The following ADAMTS2 variants were observed in gnomAD, a reference collection of about 807,000 sequenced individuals.
ADAMTS2 encodes ADAM metallopeptidase with thrombospondin type 1 motif 2.
ADAMTS2 carries 50 observed loss-of-function variants against 123.0 expected under a neutral mutation model. The observed-to-expected ratio is 0.41, with a 90% CI of 0.32 to 0.51. The LOEUF (loss-of-function observed/expected upper bound fraction) is 0.51, where lower values mean the gene tolerates loss of function less well. Among genes scored for constraint, ADAMTS2 ranks in the 20% least tolerant of loss-of-function variants. The pLI, the probability that ADAMTS2 is intolerant of heterozygous loss-of-function variation, is 0.35. For synonymous variants in ADAMTS2, 678 were observed against 695.4 expected (o/e 0.98, Z 0.39); for missense variants, 1,494 against 1,705.2 (o/e 0.88, Z 2.18).
At chr5:179,326,616 A>C (rs1399192576) in intron 2 of ADAMTS2, among the ~76,000 whole-genome samples, 1 of 152,094 alleles carries the variant, frequency 6.6e-6, no homozygotes, top group East Asian at 1.9e-4. Flanking sequence ...CATCAGGAAA[A>C]TATGATCTTG....
At chr5:179,193,350 TC>T (rs761295405) in intron 4 of ADAMTS2, among the ~76,000 whole-genome samples, 33 of 152,220 alleles carry the variant, frequency 2.2e-4, no homozygotes, top group Non-Finnish European at 4.4e-4. Flanking sequence ...ATCTTTCCCT[TC>T]CCACACCCTG....
chr5:179,130,024 T>C lies in ADAMTS2; in HGVS notation c.2365A>G (p.Ile789Val). The change falls in exon 16 of 22, where the codon ATT (isoleucine) becomes GTT (valine). Residue 789 changes from isoleucine to valine, a missense_variant. Coordinates refer to ENST00000251582, the MANE Select transcript of ADAMTS2 (RefSeq NM_014244.5). The surrounding 1 kb of genome is among the most constrained non-coding windows in gnomAD (Gnocchi z 4.3). ...NDVDASSKTF[I>V]AMGVEWEYRD... is the part of the protein sequence containing the mutation. ...TACTCCCACTCCACGCCCATGGCAA[T>C]GAAGGTTTTGGAACTGGCATCCACG... 6.2e-7 allele frequency: 1 copy of C among 1,614,092 alleles called. No individual in the cohort carries two copies. Among genetic ancestry groups the C allele is most frequent in the Non-Finnish European group, 8.5e-7 (1 of 1,180,018 alleles).
chr5:179,240,831 C>T (rs1371374960), intron 3 of ADAMTS2, among the ~76,000 whole-genome samples: 1 of 152,198 alleles, frequency 6.6e-6, no homozygotes, highest in African/African-American at 2.4e-5. Context: ...AAACCATAAA[C>T]GTCACCAGAT....
chr5:179,236,871 C>G (rs1183985613), intron 3 of ADAMTS2, among the ~76,000 whole-genome samples: 2 of 152,068 alleles, frequency 1.3e-5, no homozygotes, highest in Non-Finnish European at 2.9e-5. Flanking sequence ...AAACCTAATC[C>G]CCAGAGGGAT....
chr5:179,200,707 A>C (rs3797610), intron 4 of ADAMTS2, among the ~76,000 whole-genome samples: 29,505 of 152,186 alleles, frequency 0.19, 3,572 homozygotes, highest in Non-Finnish European at 0.27. Flanking sequence ...AGGAGGCATC[A>C]AACACATCAC....
At chr5:179,222,300 C>G (rs1765144557) in intron 3 of ADAMTS2, among the ~76,000 whole-genome samples, 1 of 152,206 alleles carries the variant, frequency 6.6e-6, no homozygotes, top group Non-Finnish European at 1.5e-5. Flanking sequence ...ATTTGATCAG[C>G]CCTATTTCGA....
rs553814359 is a variant in ADAMTS2, at chr5:179,334,263, G to A, written c.534+9504C>T. 3.3e-3 allele frequency among the ~76,000 whole-genome samples: 499 copies of A among 152,298 alleles called. 2 individuals carry two copies. Among genetic ancestry groups the A allele is most frequent in the African/African-American group, 0.011 (447 of 41,574 alleles). On this transcript the variant is annotated intron_variant, in intron 2 of 21. Transcript: ENST00000251582. ...CTGCAGGAAGGCTGCCCCTCCCTAC[G>A]AGGGCTTCCCATGGTGCGTAAATGG... is the stretch of plus-strand genomic sequence containing the variant.
At chr5:179,339,980 G>A (rs1357675227) in intron 2 of ADAMTS2, among the ~76,000 whole-genome samples, 1 of 152,250 alleles carries the variant, frequency 6.6e-6, no homozygotes, top group East Asian at 1.9e-4. Context: ...AAGACAGAGT[G>A]GGTGCCTGGC....
At chr5:179,123,811 C>A (rs1182234490) in intron 19 of ADAMTS2, among the ~76,000 whole-genome samples, 1 of 152,208 alleles carries the variant, frequency 6.6e-6, no homozygotes, top group Non-Finnish European at 1.5e-5. Context: ...AGTGTTTTTG[C>A]CTGCCTGAGG....
intron 3 of ADAMTS2, among the ~76,000 whole-genome samples, chr5:179,246,616 A>C (rs550288169): frequency 3.3e-5 from 5 of 152,220 alleles, no homozygotes; most frequent in Non-Finnish European, 7.3e-5. Context: ...AAAAGTTTTC[A>C]CCTCTGGCTG....
At chr5:179,328,693 A>G (rs1179103608) in intron 2 of ADAMTS2, among the ~76,000 whole-genome samples, 1 of 152,240 alleles carries the variant, frequency 6.6e-6, no homozygotes, top group Admixed American at 6.5e-5. Flanking sequence ...ATAATCACCT[A>G]CTGTATTATA....
At position 179,228,210 on chromosome 5, in the gene ADAMTS2, C is replaced by T. The variant is rs1225756207; in HGVS notation, c.689-20495G>A. Among the ~76,000 whole-genome samples, 1 of 152,178 alleles carries T rather than the reference C, an allele frequency of 6.6e-6. No individual in the cohort carries two copies. Among genetic ancestry groups the T allele is most frequent in the Non-Finnish European group, 1.5e-5 (1 of 68,030 alleles). On this transcript the variant is annotated intron_variant, in intron 3 of 21. Coordinates refer to ENST00000251582, the MANE Select transcript of ADAMTS2 (RefSeq NM_014244.5). The surrounding 1 kb of genome is among the most constrained non-coding windows in gnomAD (Gnocchi z 5.2). Reference sequence around the variant, plus strand: ...CCTCCAGGATGAATCAGCTGCAGAGCACCGCAGTGGCGCACACAGATCAGT... The same window carrying T: ...CCTCCAGGATGAATCAGCTGCAGAGTACCGCAGTGGCGCACACAGATCAGT...
rs1001487005 is a variant in ADAMTS2, at chr5:179,345,220, C to T, written c.109G>A (p.Ala37Thr). 8 of 1,121,424 alleles carry T rather than the reference C, an allele frequency of 7.1e-6. No individual in the cohort carries two copies. The highest frequency in any genetic ancestry group is 6.7e-5 in the African/African-American group (4 of 60,034). The allele number at this position is 1,121,424 out of a possible 1,614,324, so 69.5% of individuals were successfully genotyped here. The change falls in exon 1 of 22, where the codon GCC (alanine) becomes ACC (threonine). Residue 37 changes from alanine (A) to threonine (T), a missense_variant. Ala to Thr is a moderately conservative substitution (Grantham distance 58). This residue lies in a region of ADAMTS2 where 237 missense variants were observed against 233.7 expected (regional missense o/e 1.01). Transcript: ENST00000251582. This position sits in a 1 kb window ranked among gnomAD's most constrained non-coding sequence, Gnocchi z 7.5. Reference sequence around the variant, plus strand: ...GGGTCGGCGGCGGCGGCGAGCCTGGCGTTCGCGGGCGGCGGCGGCGGCGGC... The same window carrying T: ...GGGTCGGCGGCGGCGGCGAGCCTGGTGTTCGCGGGCGGCGGCGGCGGCGGC... ...LLPPPPPPANARLAAAADPPG... is the reference protein window; with the variant it reads ...LLPPPPPPANTRLAAAADPPG...
intron 3 of ADAMTS2, among the ~76,000 whole-genome samples, chr5:179,230,572 G>C (rs898998636): frequency 6.6e-6 from 1 of 152,214 alleles, no homozygotes; most frequent in African/African-American, 2.4e-5. Flanking sequence ...TGTCACCTTG[G>C]GTCTCACTTC....
chr5:179,341,352 GA>G (rs906395479), intron 2 of ADAMTS2: 18 of 371,654 alleles, frequency 4.8e-5, no homozygotes, highest in East Asian at 2.1e-4. Context: ...AAGAAAGAAA[GA>G]AAAAAAGGAA....
In ADAMTS2 at chr5:179,333,045, C is replaced by T. The variant is rs147330776; in HGVS notation, c.534+10722G>A. Among the ~76,000 whole-genome samples, 141 of 152,312 alleles carry T rather than the reference C, an allele frequency of 9.3e-4. 4 individuals are homozygous for T. In the East Asian group the frequency reaches 0.018, roughly 19 times the overall value. On this transcript the variant is annotated intron_variant, in intron 2 of 21. Transcript: ENST00000251582. ...TGTGGCCTTGGGGATAGCCATGCGA[C>T]GGCGGCTGCCTTCCTTCTGCCGGGG...
chr5:179,122,772 C>A lies in ADAMTS2; in HGVS notation c.2960G>T (p.Cys987Phe), dbSNP rs1027851899. 1 of 1,555,404 alleles carries A rather than the reference C, an allele frequency of 6.4e-7. No homozygotes were observed. Among genetic ancestry groups the A allele is most frequent in the Non-Finnish European group, 8.7e-7 (1 of 1,149,930 alleles). The change falls in exon 20 of 22, where the codon TGC (cysteine) becomes TTC (phenylalanine). Residue 987 changes from cysteine (C) to phenylalanine (F), a missense_variant and splice_region_variant. Coordinates refer to ENST00000251582, the MANE Select transcript of ADAMTS2 (RefSeq NM_014244.5). ...GGTGCCGTTGCCACAGGTTACTGAG[C>A]ACTGCAGGGGGAGAGTCGCCAGGCA... ...GRWRAGPWSQ[C>F]SVTCGNGTQE...
chr5:179,186,736 C>G (rs1286067092), intron 4 of ADAMTS2, among the ~76,000 whole-genome samples: 1 of 152,182 alleles, frequency 6.6e-6, no homozygotes, highest in Non-Finnish European at 1.5e-5. Context: ...CCTCCACATG[C>G]CTGCCTCCTG....
At position 179,155,759 on chromosome 5, in the gene ADAMTS2, T is replaced by C. The variant is rs1435812464; in HGVS notation, c.1133-840A>G. Among the ~76,000 whole-genome samples the C allele has an allele frequency of 6.6e-6, 1 of 152,160 alleles. No homozygotes were observed. The highest frequency in any genetic ancestry group is 2.4e-5 in the African/African-American group (1 of 41,438). On this transcript the variant is annotated intron_variant, in intron 6 of 21. Transcript: ENST00000251582. The surrounding 1 kb of genome is among the most constrained non-coding windows in gnomAD (Gnocchi z 5.1). ...AGGGCTATGGGTGCCACACGAGGTC[T>C]CTGCTTGTACCCCTGGGAGTCTTCC...
Sources: gnomAD v4.1 joint callset for allele counts (sites outside exome capture counted in the v4.1 genomes callset) on GRCh38, gnomAD v4.1.1 for gene constraint, gnomAD v4.1.1 regional missense constraint, Gnocchi (gnomAD v3.1) non-coding constraint, MANE v1.5 for transcripts, NCBI Gene and HGNC (gene_info 2026-07-23, HGNC 2026-07-21) for gene names.